Variants in OPA3 observed in about 807,000 individuals in gnomAD.
The protein encoded by OPA3 is outer mitochondrial membrane lipid metabolism regulator OPA3.
In OPA3, 6 loss-of-function variants were observed where a neutral mutation model predicts 4.0. That is an observed-to-expected ratio of 1.51 (90% CI 0.83 to 2.99). The LOEUF (loss-of-function observed/expected upper bound fraction) is 2.99. Among genes scored for constraint, OPA3 ranks in the 30% most tolerant of loss-of-function variants. OPA3 has a pLI of 0.00. For missense variants in OPA3, 235 were observed against 256.2 expected (o/e 0.92, Z 0.56); for synonymous variants, 105 against 117.1 (o/e 0.90, Z 0.67).
chr19:45,584,562 C>A, intron 1 of OPA3, 61 bp downstream of exon 1: 1 of 1,613,174 alleles, frequency 6.2e-7, no homozygotes, highest in Admixed American at 1.7e-5. Flanking sequence ...ATCCCCTAAG[C>A]AACCACCTGA....
At chr19:45,537,410 A>AAAAAAAAAAAAAG (rs1555730890) in intron 1 of OPA3, among the ~76,000 whole-genome samples, 3 of 120,060 alleles carry the variant, frequency 2.5e-5, no homozygotes, top group Admixed American at 9.1e-5. Flanking sequence ...AAAAAAAAAA[A>AAAAAAAAAAAAAG]AAAAAAAAAA....
At chr19:45,531,331 C>T (rs1017847170) in intron 1 of OPA3, among the ~76,000 whole-genome samples, 3 of 152,142 alleles carry the variant, frequency 2.0e-5, no homozygotes, top group African/African-American at 7.2e-5. Flanking sequence ...TTTATTTCAA[C>T]TTTGACGTTA....
intron 1 of OPA3, among the ~76,000 whole-genome samples, chr19:45,578,332 G>A (rs1027890948): frequency 6.6e-6 from 1 of 152,164 alleles, no homozygotes; most frequent in Non-Finnish European, 1.5e-5. Context: ...ATATTCTGCA[G>A]ACTCTGCACT....
At chr19:45,538,207 G>A (rs1969144499) in intron 1 of OPA3, among the ~76,000 whole-genome samples, 1 of 150,210 alleles carries the variant, frequency 6.7e-6, no homozygotes, top group Non-Finnish European at 1.5e-5. Flanking sequence ...AAGGTAGGAG[G>A]ATTGCTTGAG....
intron 1 of OPA3, among the ~76,000 whole-genome samples, chr19:45,560,509 C>A (rs1969487179): frequency 6.6e-6 from 1 of 152,120 alleles, no homozygotes; most frequent in South Asian, 2.1e-4. Context: ...CATCTCCCTT[C>A]TCTCTCTCCT....
chr19:45,549,762 G>T lies in OPA3; in HGVS notation c.*3752C>A. 5.1e-6 allele frequency: 5 copies of T among 985,414 alleles called. No homozygotes were observed. The highest frequency in any genetic ancestry group is 6.0e-6 in the Non-Finnish European group (5 of 830,026). 61.0% of individuals were successfully genotyped at this position (985,414 alleles called of 1,614,324 possible). On this transcript the variant is annotated 3_prime_UTR_variant, in exon 2 of 2. Coordinates refer to ENST00000263275, the MANE Select transcript of OPA3 (RefSeq NM_025136.4). Reference sequence around the variant, plus strand: ...CTCAAAGTGCTGGGATGACAGGCGTGAGCTGGCCTGGGTCACTCCCAGTTT... The same window carrying T: ...CTCAAAGTGCTGGGATGACAGGCGTTAGCTGGCCTGGGTCACTCCCAGTTT...
intron 1 of OPA3, among the ~76,000 whole-genome samples, chr19:45,565,267 C>A (rs919729385): frequency 1.6e-4 from 25 of 152,026 alleles, no homozygotes; most frequent in African/African-American, 5.8e-4. Flanking sequence ...ACAAAATTTT[C>A]TCTTGGATTG....
In OPA3 at chr19:45,553,024, G is replaced by C; in HGVS notation, c.*490C>G. 1 of 1,020,498 alleles carries C rather than the reference G, an allele frequency of 9.8e-7. No individual in the cohort carries two copies. Among genetic ancestry groups the C allele is most frequent in the Non-Finnish European group, 1.2e-6 (1 of 851,178 alleles). The allele number at this position is 1,020,498 out of a possible 1,614,324, so 63.2% of individuals were successfully genotyped here. On this transcript the variant is annotated 3_prime_UTR_variant, in exon 2 of 2. Coordinates refer to ENST00000263275, the MANE Select transcript of OPA3 (RefSeq NM_025136.4). The stretch of plus-strand genomic sequence containing the variant: ...AGAGCACTGATGCTCAGCTAGAGCT[G>C]ACCTTAGAAGGTGAGGGGGAGAAAA...
chr19:45,546,585 A>T lies in OPA3; in HGVS notation c.*6929T>A, dbSNP rs751011663. The stretch of plus-strand genomic sequence containing the variant: ...ATCTCAGTTCACTGCAGCCTTAAAC[A>T]CCCGGGTTCAAGCGATCCTCCTGCC... On this transcript the variant is annotated 3_prime_UTR_variant, in exon 2 of 2. Coordinates refer to ENST00000263275, the MANE Select transcript of OPA3 (RefSeq NM_025136.4). 1.6e-5 allele frequency: 3 copies of T among 192,974 alleles called. No homozygotes were observed. Among genetic ancestry groups the T allele is most frequent in the Non-Finnish European group, 2.8e-5 (3 of 106,986 alleles). The allele number at this position is 192,974 out of a possible 1,614,324, so 12.0% of individuals were successfully genotyped here.
chr19:45,552,973 G>A lies in OPA3; in HGVS notation c.*541C>T, dbSNP rs1969358339. The A allele has an allele frequency of 1.0e-6, 1 of 992,252 alleles. No individual in the cohort carries two copies. Among genetic ancestry groups the A allele is most frequent in the Non-Finnish European group, 1.2e-6 (1 of 834,280 alleles). The allele number at this position is 992,252 out of a possible 1,614,324, so 61.5% of individuals were successfully genotyped here. A position where few individuals can be genotyped will look rare whatever the true frequency, so the allele number is the denominator to read the frequency against. On this transcript the variant is annotated 3_prime_UTR_variant, in exon 2 of 2. Transcript: ENST00000263275. The stretch of plus-strand genomic sequence containing the variant: ...TTACAGGCGTGAGCCACCGCTCCCA[G>A]CCGCACCGTTTTTTTCCTCCTTAAG...
Position 45,551,626 on chromosome 19 carries a change from C to T in OPA3, c.*1888G>A. The T allele has an allele frequency of 1.2e-6, 1 of 806,556 alleles. No homozygotes were observed. The highest frequency in any genetic ancestry group is 1.5e-6 in the Non-Finnish European group (1 of 666,788). 50.0% of individuals were successfully genotyped at this position (806,556 alleles called of 1,614,324 possible). On this transcript the variant is annotated 3_prime_UTR_variant, in exon 2 of 2. Transcript: ENST00000263275. ...CTCCAGAACTGTGTGAATTAAATTCCTGTTGGACTTAAGCCATCAAGTTCA... is the reference window on the plus strand; with the variant it reads ...CTCCAGAACTGTGTGAATTAAATTCTTGTTGGACTTAAGCCATCAAGTTCA...
intron 1 of OPA3, among the ~76,000 whole-genome samples, chr19:45,577,764 T>A (rs1969790063): frequency 6.6e-6 from 1 of 152,054 alleles, no homozygotes; most frequent in South Asian, 2.1e-4. Context: ...AGGAGGCACC[T>A]CGAGTCTGTG....
intron 1 of OPA3, among the ~76,000 whole-genome samples, chr19:45,571,112 C>T (rs1969660167): frequency 6.6e-6 from 1 of 151,526 alleles, no homozygotes. Flanking sequence ...TACATGACTG[C>T]TAAATACTTT....
In OPA3 at chr19:45,549,373, C is replaced by T. The variant is rs1027081226; in HGVS notation, c.*4141G>A. ...TGACTGGCTGCCTGTCAGGGCAGGG[C>T]AGGGCAGGGCTGAGTGCGAAGTCTC... On this transcript the variant is annotated 3_prime_UTR_variant, in exon 2 of 2. Transcript: ENST00000263275. 1 of 985,086 alleles carries T rather than the reference C, an allele frequency of 1.0e-6. No homozygotes were observed. The highest frequency in any genetic ancestry group is 1.2e-6 in the Non-Finnish European group (1 of 829,872). The allele number at this position is 985,086 out of a possible 1,614,324, so 61.0% of individuals were successfully genotyped here.
chr19:45,564,424 A>T (rs1267818903), intron 1 of OPA3, among the ~76,000 whole-genome samples: 1 of 152,180 alleles, frequency 6.6e-6, no homozygotes, highest in Non-Finnish European at 1.5e-5. Context: ...TCCCTCCTTG[A>T]CTGGGGGTAA....
chr19:45,560,375 C>T (rs937872805), intron 1 of OPA3, among the ~76,000 whole-genome samples: 2 of 152,178 alleles, frequency 1.3e-5, no homozygotes, highest in Non-Finnish European at 1.5e-5. Flanking sequence ...GAGGCTAACT[C>T]GGTCACTGCA....
intron 1 of OPA3, among the ~76,000 whole-genome samples, chr19:45,575,348 C>T (rs190232798): frequency 3.3e-5 from 5 of 152,216 alleles, no homozygotes; most frequent in Admixed American, 2.6e-4. Context: ...ACCTCAACCT[C>T]CCAAAGTGCT....
chr19:45,553,001 A>C lies in OPA3; in HGVS notation c.*513T>G. On this transcript the variant is annotated 3_prime_UTR_variant, in exon 2 of 2. Transcript: ENST00000263275. The stretch of plus-strand genomic sequence containing the variant: ...GCACCGTTTTTTTCCTCCTTAAGAG[A>C]GCACTGATGCTCAGCTAGAGCTGAC... 5 of 1,003,678 alleles carry C rather than the reference A, an allele frequency of 5.0e-6. No individual in the cohort carries two copies. The highest frequency in any genetic ancestry group is 4.8e-6 in the Non-Finnish European group (4 of 841,102). 62.2% of individuals were successfully genotyped at this position (1,003,678 alleles called of 1,614,324 possible).
Position 45,552,091 on chromosome 19 carries a change from T to G in OPA3, c.*1423A>C. The G allele has an allele frequency of 1.0e-6, 1 of 985,484 alleles. No homozygotes were observed. The highest frequency in any genetic ancestry group is 1.2e-6 in the Non-Finnish European group (1 of 830,008). 61.0% of individuals were successfully genotyped at this position (985,484 alleles called of 1,614,324 possible). On this transcript the variant is annotated 3_prime_UTR_variant, in exon 2 of 2. Coordinates refer to ENST00000263275, the MANE Select transcript of OPA3 (RefSeq NM_025136.4). Reference sequence around the variant, plus strand: ...GAGGACATTCACAGAAAAGATCCTGTAGTGCCATTCCAGTGGGTTGTGCCA... The same window carrying G: ...GAGGACATTCACAGAAAAGATCCTGGAGTGCCATTCCAGTGGGTTGTGCCA...
Sources: allele counts gnomAD v4.1 joint callset (sites outside exome capture counted in the v4.1 genomes callset), GRCh38; gene constraint gnomAD v4.1.1; transcripts MANE v1.5; gene names NCBI Gene and HGNC (gene_info 2026-07-23, HGNC 2026-07-21).